Variants in STK10 observed in about 807,000 individuals in gnomAD.
STK10 encodes the protein serine/threonine-protein kinase 10.
Under a neutral mutation model 113.8 loss-of-function variants are expected in STK10, and 78 were observed. The ratio of observed to expected loss-of-function variants is 0.69; its 90% CI spans 0.57 to 0.83. The LOEUF (loss-of-function observed/expected upper bound fraction) is 0.83, where lower values mean the gene tolerates loss of function less well. Ranked by LOEUF, STK10 falls within the 40% of genes least tolerant of loss-of-function variation. The pLI is 0.00. For synonymous variants in STK10, 465 were observed against 494.7 expected, an observed-to-expected ratio of 0.94 and a Z score of 0.80; for missense variants, 1,109 against 1,280.1, an observed-to-expected ratio of 0.87 and a Z score of 2.04.
intron 12 of STK10, among the ~76,000 whole-genome samples, chr5:172,066,589 C>T (rs553759842): frequency 8.6e-4 from 131 of 152,244 alleles, no homozygotes; most frequent in African/African-American, 3.1e-3. Context: ...GAGTTCAAGA[C>T]CAGCCTTGGG....
At chr5:172,076,585 T>C (rs576900449) in intron 12 of STK10, among the ~76,000 whole-genome samples, 3 of 152,340 alleles carry the variant, frequency 2.0e-5, no homozygotes, top group Non-Finnish European at 2.9e-5. Flanking sequence ...TGCTCCCTTA[T>C]TTCCCCAGTG....
chr5:172,069,564 G>A (rs1768135069), intron 12 of STK10, among the ~76,000 whole-genome samples: 1 of 151,676 alleles, frequency 6.6e-6, no homozygotes, highest in Non-Finnish European at 1.5e-5. Flanking sequence ...GGGCACTCTG[G>A]GCAACATAGT....
At chr5:172,117,781 G>A (rs1317238028) in intron 3 of STK10, 151 bp from the exon 4 acceptor site, 11 of 1,079,708 alleles carry the variant, frequency 1.0e-5, no homozygotes, top group Admixed American at 2.8e-5. Flanking sequence ...TTGAGAGGCC[G>A]AGGCAGGTGG....
rs1462750646 is a variant in STK10, at chr5:172,106,801, C to A, written c.607G>T (p.Val203Leu). Residue 203 changes from valine to leucine, a missense_variant, in exon 6 of 19, where the codon GTG becomes TTG. Coordinates refer to ENST00000176763, the MANE Select transcript of STK10 (RefSeq NM_005990.4). The stretch of plus-strand genomic sequence containing the variant: ...TCTTTCATGGTCTCACACATGACCA[C>A]CTCGGGGGCCATCCTGAACCAACCA... The part of the protein sequence containing the change: ...IGTPYWMAPE[V>L]VMCETMKDTP... The A allele has an allele frequency of 6.2e-7, 1 of 1,613,892 alleles. No homozygotes were observed. Among genetic ancestry groups the A allele is most frequent in the African/African-American group, 1.3e-5 (1 of 74,912 alleles).
intron 3 of STK10, 55 bp downstream of exon 3, chr5:172,127,318 G>T: frequency 6.2e-7 from 1 of 1,603,200 alleles, no homozygotes; most frequent in Non-Finnish European, 8.5e-7. Context: ...GTCAGGCTTA[G>T]GACTCCAAAC....
chr5:172,187,042 GGA>G lies in STK10; in HGVS notation c.156+843_156+844del, dbSNP rs1405829669. Among the ~76,000 whole-genome samples the G allele has an allele frequency of 2.0e-5, 3 of 152,074 alleles. No individual in the cohort carries two copies. Among genetic ancestry groups the G allele is most frequent in the Non-Finnish European group, 4.4e-5 (3 of 68,026 alleles). ...GTCTCCCAGTAAAAATTTTCTTAGG[GGA>G]AAGGGGGGAGTCAAGCTGTAGGTGT... On this transcript the variant is annotated intron_variant, in intron 1 of 18. Coordinates refer to ENST00000176763, the MANE Select transcript of STK10 (RefSeq NM_005990.4). This position sits in a 1 kb window ranked among gnomAD's most constrained non-coding sequence, Gnocchi z 4.6.
chr5:172,172,890 G>A (rs1770686714), intron 1 of STK10, among the ~76,000 whole-genome samples: 1 of 152,146 alleles, frequency 6.6e-6, no homozygotes, highest in Non-Finnish European at 1.5e-5. Flanking sequence ...TGAGGCAGGA[G>A]AATCGCTTGA....
chr5:172,170,814 C>T (rs1770653459), intron 1 of STK10, among the ~76,000 whole-genome samples: 1 of 152,174 alleles, frequency 6.6e-6, no homozygotes, highest in Non-Finnish European at 1.5e-5. Flanking sequence ...TGAAAGGTGC[C>T]CATGGGCTCT....
chr5:172,104,392 G>A (rs1048089019), intron 7 of STK10, among the ~76,000 whole-genome samples: 17 of 151,292 alleles, frequency 1.1e-4, no homozygotes, highest in Non-Finnish European at 1.5e-4. Flanking sequence ...GCCCTAACTC[G>A]AGGCATGGGC....
At chr5:172,051,725 G>A (rs541539236) in intron 18 of STK10, among the ~76,000 whole-genome samples, 31 of 152,282 alleles carry the variant, frequency 2.0e-4, no homozygotes, top group African/African-American at 5.3e-4. Flanking sequence ...GGGCCTAGGA[G>A]GACAAGGCAG....
chr5:172,113,504 G>A (rs1054306447), intron 4 of STK10, among the ~76,000 whole-genome samples: 7 of 152,130 alleles, frequency 4.6e-5, no homozygotes, highest in African/African-American at 1.4e-4. Context: ...AGAAAAACAC[G>A]AAAATAATCA....
intron 2 of STK10, among the ~76,000 whole-genome samples, chr5:172,150,785 A>G (rs1415873769): frequency 6.6e-6 from 1 of 152,212 alleles, no homozygotes; most frequent in East Asian, 1.9e-4. Flanking sequence ...TCCTGGGACC[A>G]GTACTTCCTC....
intron 7 of STK10, among the ~76,000 whole-genome samples, chr5:172,101,260 CAGG>C (rs1768983213): frequency 6.6e-6 from 1 of 152,078 alleles, no homozygotes; most frequent in African/African-American, 2.4e-5. Flanking sequence ...CTCCCCAGGT[CAGG>C]AGTTCAAGAC....
At chr5:172,073,839 C>G (rs1018940906) in intron 12 of STK10, among the ~76,000 whole-genome samples, 1 of 149,196 alleles carries the variant, frequency 6.7e-6, no homozygotes, top group Non-Finnish European at 1.5e-5. Flanking sequence ...GTGGCACACA[C>G]CTGTAATCCC....
At chr5:172,070,628 C>T (rs938529983) in intron 12 of STK10, among the ~76,000 whole-genome samples, 1 of 151,902 alleles carries the variant, frequency 6.6e-6, no homozygotes, top group African/African-American at 2.4e-5. Flanking sequence ...ACTAATATAA[C>T]AGCAGAAATC....
In STK10 at chr5:172,057,017, GAA is replaced by G. The variant is rs1319119210; in HGVS notation, c.2337+330_2337+331del. The G allele has an allele frequency of 3.1e-4, 47 of 149,334 alleles. 1 individual carries two copies. Among genetic ancestry groups the G allele is most frequent in the African/African-American group, 1.2e-3 (41 of 34,842 alleles). 9.3% of individuals were successfully genotyped at this position (149,334 alleles called of 1,614,324 possible). A position where few individuals can be genotyped will look rare whatever the true frequency, so the allele number is the denominator to read the frequency against. Reference sequence around the variant, plus strand: ...AAAGAGAAAGAAGGAAAGAAAGAAAGAAAGAAAGAAAGAAAGAAAGAAAGAAA... The same window carrying G: ...AAAGAGAAAGAAGGAAAGAAAGAAAGAGAAAGAAAGAAAGAAAGAAAGAAA... On this transcript the variant is annotated intron_variant, in intron 15 of 18. Coordinates refer to ENST00000176763, the MANE Select transcript of STK10 (RefSeq NM_005990.4).
At chr5:172,185,735 G>A (rs1186773408) in intron 1 of STK10, among the ~76,000 whole-genome samples, 1 of 152,246 alleles carries the variant, frequency 6.6e-6, no homozygotes, top group Non-Finnish European at 1.5e-5. Context: ...GCAGTGTCCA[G>A]AGACAGTTGC....
chr5:172,096,605 C>T (rs750371072), intron 7 of STK10, 45 bp from the exon 8 acceptor site: 19 of 1,601,794 alleles, frequency 1.2e-5, no homozygotes, highest in East Asian at 4.5e-5. Context: ...TCTGGGGTCA[C>T]GGTGGGGTGG....
At chr5:172,064,576 G>A (rs938362653) in intron 13 of STK10, 144 bp downstream of exon 13, 8 of 764,642 alleles carry the variant, frequency 1.0e-5, no homozygotes, top group African/African-American at 6.9e-5. Context: ...GGGATAATGG[G>A]GCCATGAAGG....
Sources: allele counts gnomAD v4.1 joint callset (sites outside exome capture counted in the v4.1 genomes callset), GRCh38; gene constraint gnomAD v4.1.1; non-coding constraint Gnocchi (gnomAD v3.1); transcripts MANE v1.5; gene names NCBI Gene and HGNC (gene_info 2026-07-23, HGNC 2026-07-21).